The following PPP1R9A variants were observed in gnomAD, a reference collection of about 807,000 sequenced individuals.
The protein encoded by PPP1R9A is neurabin-1.
PPP1R9A carries 59 observed loss-of-function variants against 141.9 expected under a neutral mutation model. The observed-to-expected ratio is 0.42, with a 90% CI of 0.34 to 0.52. The LOEUF is 0.52. Ranked by LOEUF, PPP1R9A falls within the 20% of genes least tolerant of loss-of-function variation. The pLI, the probability that PPP1R9A is intolerant of heterozygous loss-of-function variation, is 0.10. For synonymous variants in PPP1R9A, 500 were observed against 569.7 expected, an observed-to-expected ratio of 0.88 and a Z score of 1.74; for missense variants, 1,444 against 1,611.9, an observed-to-expected ratio of 0.90 and a Z score of 1.78.
At chr7:95,006,404 A>G (rs1463817429) in intron 2 of PPP1R9A, among the ~76,000 whole-genome samples, 1 of 151,894 alleles carries the variant, frequency 6.6e-6, no homozygotes, top group Non-Finnish European at 1.5e-5. Flanking sequence ...TTTTTAGTAG[A>G]GACAGGGTTT....
At chr7:95,047,292 A>C (rs1810159407) in intron 2 of PPP1R9A, among the ~76,000 whole-genome samples, 1 of 152,226 alleles carries the variant, frequency 6.6e-6, no homozygotes, top group Non-Finnish European at 1.5e-5. Context: ...CAAATGCTTT[A>C]GAGTACATTT....
chr7:94,958,556 T>C (rs1186708628), intron 2 of PPP1R9A, among the ~76,000 whole-genome samples: 2 of 152,064 alleles, frequency 1.3e-5, no homozygotes, highest in African/African-American at 4.8e-5. Flanking sequence ...AGAGTTATTA[T>C]GTTGTTATTT....
intron 2 of PPP1R9A, among the ~76,000 whole-genome samples, chr7:95,109,423 C>T (rs1820147375): frequency 6.6e-6 from 1 of 152,110 alleles, no homozygotes; most frequent in South Asian, 2.1e-4. Context: ...CAATGTCAAA[C>T]ATGAGTTTAG....
At position 95,271,937 on chromosome 7, in the gene PPP1R9A, C is replaced by T. The variant is rs114248674; in HGVS notation, c.3125-1962C>T. 2.5e-3 allele frequency among the ~76,000 whole-genome samples: 388 copies of T among 152,228 alleles called. 2 individuals are homozygous for T. The highest frequency in any genetic ancestry group is 8.7e-3 in the African/African-American group (363 of 41,542). On this transcript the variant is annotated intron_variant, in intron 14 of 19. Transcript: ENST00000433360. ...AGTGTGCATTAAAGATGGATTTAAT[C>T]GATTTTAAATGGGAAAGTACATTAT...
chr7:94,911,559 G>T, intron 2 of PPP1R9A, 51 bp downstream of exon 2: 1 of 1,405,818 alleles, frequency 7.1e-7, no homozygotes, highest in Non-Finnish European at 9.8e-7. Context: ...TAGTACTAGG[G>T]CCTAATTGTA....
At chr7:95,277,094 C>A (rs1803348624) in intron 16 of PPP1R9A, among the ~76,000 whole-genome samples, 1 of 152,174 alleles carries the variant, frequency 6.6e-6, no homozygotes, top group South Asian at 2.1e-4. Flanking sequence ...AGGGAAGGAT[C>A]CTTGGACTGA....
At chr7:95,274,225 T>A in intron 16 of PPP1R9A, 57 bp downstream of exon 16, 2 of 1,414,210 alleles carry the variant, frequency 1.4e-6, no homozygotes, top group Non-Finnish European at 9.5e-7. Flanking sequence ...TCTGGCCCCC[T>A]CTTCTATTGT....
intron 2 of PPP1R9A, among the ~76,000 whole-genome samples, chr7:95,100,966 C>T (rs1818706928): frequency 2.7e-5 from 4 of 149,564 alleles, no homozygotes; most frequent in Admixed American, 6.7e-5. Flanking sequence ...CATTCTCCTG[C>T]CTCAGCCTCC....
intron 3 of PPP1R9A, among the ~76,000 whole-genome samples, chr7:95,117,896 G>A (rs1821796837): frequency 6.6e-6 from 1 of 152,132 alleles, no homozygotes; most frequent in South Asian, 2.1e-4. Context: ...TTTCTGCATG[G>A]AAGAGGCTAC....
intron 2 of PPP1R9A, among the ~76,000 whole-genome samples, chr7:94,956,481 T>G (rs1797084418): frequency 6.6e-6 from 1 of 152,154 alleles, no homozygotes; most frequent in Non-Finnish European, 1.5e-5. Flanking sequence ...CCTCATTGAT[T>G]TATTTCATTT....
chr7:95,287,024 T>G lies in PPP1R9A; in HGVS notation c.3729+699T>G, dbSNP rs895539028. ...TCTTCAAGCTTGGTGCAATTTTAAT[T>G]TTATTAAAATTATGTACTATATATG... On this transcript the variant is annotated intron_variant, in intron 18 of 19. Coordinates refer to ENST00000433360, the MANE Select transcript of PPP1R9A (RefSeq NM_001166160.2). The G allele has an allele frequency of 7.8e-6, 11 of 1,407,144 alleles. No individual in the cohort carries two copies. The Admixed American group carries it at 1.9e-4, about 24-fold the overall frequency. 87.2% of individuals were successfully genotyped at this position (1,407,144 alleles called of 1,614,324 possible). A position where few individuals can be genotyped will look rare whatever the true frequency, so the allele number is the denominator to read the frequency against.
rs1359767432 is a variant in PPP1R9A, at chr7:95,242,665, T to A, written c.2113-4808T>A. On this transcript the variant is annotated intron_variant, in intron 8 of 19. Coordinates refer to ENST00000433360, the MANE Select transcript of PPP1R9A (RefSeq NM_001166160.2). ...GAAAGCTCCTGTTCTCATAGGAATG[T>A]GTATGTTTATTTGTGCTGAAATCCT... Among the ~76,000 whole-genome samples, 5 of 152,268 alleles carry A rather than the reference T, an allele frequency of 3.3e-5. 1 individual carries two copies. The highest frequency in any genetic ancestry group is 1.2e-4 in the African/African-American group (5 of 41,556).
At chr7:95,047,199 T>C (rs1239509336) in intron 2 of PPP1R9A, among the ~76,000 whole-genome samples, 1 of 152,214 alleles carries the variant, frequency 6.6e-6, no homozygotes, top group African/African-American at 2.4e-5. Flanking sequence ...GTCATCTCTT[T>C]TTATTATTTC....
At chr7:95,127,698 T>A (rs1230173577) in intron 4 of PPP1R9A, among the ~76,000 whole-genome samples, 1 of 152,128 alleles carries the variant, frequency 6.6e-6, no homozygotes, top group Non-Finnish European at 1.5e-5. Context: ...GTTCCCAGTT[T>A]CGCTTGTTGC....
intron 2 of PPP1R9A, among the ~76,000 whole-genome samples, chr7:95,019,474 G>C (rs1805589856): frequency 6.6e-6 from 1 of 152,138 alleles, no homozygotes; most frequent in South Asian, 2.1e-4. Context: ...AAAAAAGCAA[G>C]AATTGAAGAA....
rs1391057150 is a variant in PPP1R9A, at chr7:95,296,342, T to G, written c.*6039T>G. On this transcript the variant is annotated 3_prime_UTR_variant, in exon 20 of 20. Coordinates refer to ENST00000433360, the MANE Select transcript of PPP1R9A (RefSeq NM_001166160.2). ...AATTTAATTTGTTAGTGTAAATAAA[T>G]TTCTTGCCAATGAGTATTATTGTTG... 1 of 152,660 alleles carries G rather than the reference T, an allele frequency of 6.6e-6. No homozygotes were observed. Among genetic ancestry groups the G allele is most frequent in the African/African-American group, 2.4e-5 (1 of 41,470 alleles). 9.5% of individuals were successfully genotyped at this position (152,660 alleles called of 1,614,324 possible). A position where few individuals can be genotyped will look rare whatever the true frequency, so the allele number is the denominator to read the frequency against.
intron 2 of PPP1R9A, among the ~76,000 whole-genome samples, chr7:95,027,209 T>A (rs978362689): frequency 5.3e-5 from 8 of 152,232 alleles, no homozygotes; most frequent in African/African-American, 1.9e-4. Flanking sequence ...AGGGCCCTGG[T>A]GGCATAGGCA....
At chr7:95,150,643 G>A (rs1412877685) in intron 4 of PPP1R9A, among the ~76,000 whole-genome samples, 1 of 152,138 alleles carries the variant, frequency 6.6e-6, no homozygotes, top group African/African-American at 2.4e-5. Context: ...CATAATCTAT[G>A]AAAGAAATAA....
chr7:95,042,934 T>A (rs1809471519), intron 2 of PPP1R9A, among the ~76,000 whole-genome samples: 1 of 151,900 alleles, frequency 6.6e-6, no homozygotes, highest in Non-Finnish European at 1.5e-5. Context: ...AAAAAGTCCC[T>A]TTAAGACAGA....
Sources: allele counts gnomAD v4.1 joint callset (sites outside exome capture counted in the v4.1 genomes callset), GRCh38; gene constraint gnomAD v4.1.1; transcripts MANE v1.5; gene names NCBI Gene and HGNC (gene_info 2026-07-23, HGNC 2026-07-21).